The following CA10 variants were observed in gnomAD, a reference collection of about 807,000 sequenced individuals.
CA10 encodes the protein carbonic anhydrase-related protein 10.
CA10 carries 14 observed loss-of-function variants against 44.2 expected under a neutral mutation model. The ratio of observed to expected loss-of-function variants is 0.32; its 90% CI spans 0.21 to 0.50. The LOEUF (loss-of-function observed/expected upper bound fraction) is 0.50. CA10 is among the 20% of genes least tolerant of loss of function. CA10 has a pLI of 0.99. For missense variants in CA10, 350 were observed against 409.7 expected, an observed-to-expected ratio of 0.85 and a Z score of 1.26; for synonymous variants, 159 against 141.6, an observed-to-expected ratio of 1.12 and a Z score of -0.87.
chr17:51,831,435 A>G (rs1908236269), intron 3 of CA10, among the ~76,000 whole-genome samples: 2 of 152,202 alleles, frequency 1.3e-5, no homozygotes, highest in African/African-American at 4.8e-5. Context: ...AGGTGATTTC[A>G]GGGTTGCTGT....
chr17:51,797,921 C>T (rs1906779629), intron 3 of CA10, among the ~76,000 whole-genome samples: 1 of 150,530 alleles, frequency 6.6e-6, no homozygotes, highest in Non-Finnish European at 1.5e-5. Context: ...ACCACACATC[C>T]ACGACTAGCA....
intron 4 of CA10, among the ~76,000 whole-genome samples, chr17:51,703,224 A>C: frequency 6.6e-6 from 1 of 152,182 alleles, no homozygotes; most frequent in African/African-American, 2.4e-5. Context: ...TGTACATAAT[A>C]GGTAATCAAT....
At chr17:51,700,804 A>G (rs1915573106) in intron 4 of CA10, among the ~76,000 whole-genome samples, 1 of 152,130 alleles carries the variant, frequency 6.6e-6, no homozygotes, top group Non-Finnish European at 1.5e-5. Flanking sequence ...ATCCTTAGCA[A>G]ACTAACACAG....
intron 3 of CA10, among the ~76,000 whole-genome samples, chr17:51,875,472 CT>C (rs1980028457): frequency 2.0e-5 from 3 of 152,308 alleles, no homozygotes; most frequent in Admixed American, 2.0e-4. Flanking sequence ...CATTTAAGCT[CT>C]GTTTACAGCT....
intron 3 of CA10, among the ~76,000 whole-genome samples, chr17:51,799,830 T>C (rs1328664293): frequency 6.6e-6 from 1 of 152,150 alleles, no homozygotes; most frequent in Non-Finnish European, 1.5e-5. Flanking sequence ...TCATTCCCAC[T>C]AGGGTGGTTG....
chr17:51,688,004 A>G (rs1338016650), intron 4 of CA10, among the ~76,000 whole-genome samples: 1 of 152,200 alleles, frequency 6.6e-6, no homozygotes, highest in Non-Finnish European at 1.5e-5. Context: ...TTCCAGGGCC[A>G]CATCATAAAA....
chr17:51,874,402 A>C (rs1007924806), intron 3 of CA10, among the ~76,000 whole-genome samples: 10 of 150,524 alleles, frequency 6.6e-5, no homozygotes, highest in South Asian at 2.1e-4. Context: ...AAAAAAAAAA[A>C]AAAACAAAAA....
intron 4 of CA10, among the ~76,000 whole-genome samples, chr17:51,712,509 C>A (rs369424994): frequency 2.6e-5 from 4 of 152,102 alleles, no homozygotes; most frequent in African/African-American, 9.7e-5. Context: ...ACATTTAAAG[C>A]TAAAGGATTA....
At chr17:51,872,067 A>G (rs922855871) in intron 3 of CA10, among the ~76,000 whole-genome samples, 6 of 152,216 alleles carry the variant, frequency 3.9e-5, no homozygotes, top group African/African-American at 1.4e-4. Flanking sequence ...TGGTAAAGAA[A>G]TGGGAAAAGC....
intron 4 of CA10, among the ~76,000 whole-genome samples, chr17:51,736,022 T>G (rs950616597): frequency 6.6e-6 from 1 of 152,154 alleles, no homozygotes; most frequent in Non-Finnish European, 1.5e-5. Flanking sequence ...TATGTATTTG[T>G]GAAAAAGCAT....
chr17:51,926,848 T>A lies in CA10; in HGVS notation c.279+4142A>T, dbSNP rs889167500. Among the ~76,000 whole-genome samples, 9 of 152,316 alleles carry A rather than the reference T, an allele frequency of 5.9e-5. No individual in the cohort carries two copies. In the East Asian group the frequency reaches 1.7e-3, roughly 29 times the overall value. Reference sequence around the variant, plus strand: ...CTATGTAAAGTGACACATTTAGAAGTCCTGTGGATTAAGATGTGGACATTT... The same window carrying A: ...CTATGTAAAGTGACACATTTAGAAGACCTGTGGATTAAGATGTGGACATTT... On this transcript the variant is annotated intron_variant, in intron 3 of 8. Transcript: ENST00000451037.
At chr17:52,065,428 T>C (rs1298287761) in intron 2 of CA10, among the ~76,000 whole-genome samples, 2 of 152,208 alleles carry the variant, frequency 1.3e-5, no homozygotes, top group Non-Finnish European at 2.9e-5. Context: ...CTGTCTATTC[T>C]GACCCAAGTT....
intron 3 of CA10, among the ~76,000 whole-genome samples, chr17:51,840,961 T>C (rs11651107): frequency 0.068 from 10,396 of 152,228 alleles, 486 homozygotes; most frequent in African/African-American, 0.13. Flanking sequence ...ATGAGACCCA[T>C]GTGCTTGCTC....
intron 4 of CA10, among the ~76,000 whole-genome samples, chr17:51,736,584 T>A (rs558176345): frequency 6.6e-6 from 1 of 152,192 alleles, no homozygotes; most frequent in African/African-American, 2.4e-5. Context: ...CCTGCAGGAT[T>A]CATTTCCAAG....
chr17:51,899,437 T>A (rs1056768895), intron 3 of CA10, among the ~76,000 whole-genome samples: 2 of 152,052 alleles, frequency 1.3e-5, no homozygotes, highest in African/African-American at 4.8e-5. Flanking sequence ...TAACATATAT[T>A]TTTTTGAATT....
intron 3 of CA10, among the ~76,000 whole-genome samples, chr17:51,832,434 G>A (rs983816258): frequency 4.6e-5 from 7 of 152,186 alleles, no homozygotes; most frequent in African/African-American, 9.7e-5. Flanking sequence ...TTACAGGTGT[G>A]TTGCAAAACA....
chr17:51,778,052 G>A (rs773754965), intron 3 of CA10, among the ~76,000 whole-genome samples: 2 of 152,174 alleles, frequency 1.3e-5, no homozygotes, highest in Non-Finnish European at 2.9e-5. Context: ...AGATCCTTCA[G>A]GAATGTATGT....
chr17:51,975,802 C>T (rs1984442756), intron 2 of CA10, among the ~76,000 whole-genome samples: 2 of 140,270 alleles, frequency 1.4e-5, no homozygotes, highest in South Asian at 4.7e-4. Flanking sequence ...ACCGAGGAGG[C>T]GGAGGTTGCA....
At chr17:51,705,909 T>A (rs1182529598) in intron 4 of CA10, among the ~76,000 whole-genome samples, 2 of 152,042 alleles carry the variant, frequency 1.3e-5, no homozygotes, top group East Asian at 3.9e-4. Context: ...TTTTTTTCAG[T>A]CTAGAATATT....
Sources: allele counts gnomAD v4.1 joint callset (sites outside exome capture counted in the v4.1 genomes callset), GRCh38; gene constraint gnomAD v4.1.1; transcripts MANE v1.5; gene names NCBI Gene and HGNC (gene_info 2026-07-23, HGNC 2026-07-21).